The following MACROD1 variants were observed in gnomAD, a reference collection of about 807,000 sequenced individuals.
The protein encoded by MACROD1 is ADP-ribose glycohydrolase MACROD1.
MACROD1 carries 31 observed loss-of-function variants against 41.4 expected under a neutral mutation model. The observed-to-expected ratio is 0.75, with a 90% confidence interval of 0.56 to 1.01. MACROD1 has a LOEUF of 1.01. Among genes scored for constraint, MACROD1 ranks in the 50% least tolerant of loss-of-function variants. The probability of loss-of-function intolerance (pLI) is 0.00; values close to 1 mark genes in which losing one functional copy is unlikely to be tolerated. For missense variants in MACROD1, 473 were observed against 460.0 expected (o/e 1.03, Z -0.26); for synonymous variants, 252 against 203.4 (o/e 1.24, Z -2.03).
intron 7 of MACROD1, 38 bp downstream of exon 7, chr11:63,999,492 C>T (rs1942779411): frequency 6.3e-7 from 1 of 1,589,054 alleles, no homozygotes; most frequent in Non-Finnish European, 8.6e-7. Flanking sequence ...TCTGGGTCCA[C>T]CGCCCACTCC....
At chr11:64,105,840 C>T (rs1426392013) in intron 3 of MACROD1, among the ~76,000 whole-genome samples, 3 of 152,194 alleles carry the variant, frequency 2.0e-5, no homozygotes, top group African/African-American at 7.2e-5. Flanking sequence ...GGCTCTGTCT[C>T]CACCCTGAGC....
At chr11:64,100,572 G>T (rs182974986) in intron 3 of MACROD1, among the ~76,000 whole-genome samples, 2 of 152,280 alleles carry the variant, frequency 1.3e-5, no homozygotes, top group African/African-American at 4.8e-5. Context: ...TGGCTCTGGC[G>T]GGAGGTGTCT....
intron 3 of MACROD1, among the ~76,000 whole-genome samples, chr11:64,062,432 T>C (rs1197839250): frequency 1.3e-5 from 2 of 152,120 alleles, no homozygotes; most frequent in Non-Finnish European, 2.9e-5. Flanking sequence ...TGGAACCAAC[T>C]GGGCATAGGC....
At chr11:64,052,769 TC>T (rs1367016727) in intron 3 of MACROD1, among the ~76,000 whole-genome samples, 1 of 152,210 alleles carries the variant, frequency 6.6e-6, no homozygotes, top group African/African-American at 2.4e-5. Flanking sequence ...AACCTGATTC[TC>T]CTGACTCCAG....
intron 3 of MACROD1, among the ~76,000 whole-genome samples, chr11:64,108,893 C>T (rs536453234): frequency 6.6e-6 from 1 of 152,304 alleles, no homozygotes; most frequent in East Asian, 1.9e-4. Flanking sequence ...CCAGGCCACA[C>T]ACCAGTGCCA....
intron 5 of MACROD1, chr11:64,000,017 C>T (rs780406481): frequency 7.9e-6 from 5 of 630,410 alleles, no homozygotes; most frequent in Non-Finnish European, 1.4e-5. Context: ...GAAGGCGTTG[C>T]CCCCCAGCTC....
At chr11:64,155,393 T>C (rs888869720) in intron 1 of MACROD1, among the ~76,000 whole-genome samples, 1 of 152,244 alleles carries the variant, frequency 6.6e-6, no homozygotes, top group Non-Finnish European at 1.5e-5. Context: ...GCTGCGCCTT[T>C]TCTTCTGTTA....
chr11:64,067,623 G>A lies in MACROD1; in HGVS notation c.518-52342C>T, dbSNP rs192346344. Among the ~76,000 whole-genome samples, 915 of 152,258 alleles carry A rather than the reference G, an allele frequency of 6.0e-3. 7 individuals carry two copies. The highest frequency in any genetic ancestry group is 0.021 in the African/African-American group (878 of 41,564). On this transcript the variant is annotated intron_variant, in intron 3 of 10. Transcript: ENST00000255681. This position sits in a 1 kb window ranked among gnomAD's most constrained non-coding sequence, Gnocchi z 4.6. ...AGGTGGGTGACGCACCAACATGCCC[G>A]TGGCCTCCGGTGCACACACAGGGTC... is the stretch of plus-strand genomic sequence containing the variant.
chr11:64,118,533 C>T (rs2134627302), intron 3 of MACROD1: 1 of 460,128 alleles, frequency 2.2e-6, no homozygotes. Flanking sequence ...TAATTTATAC[C>T]AAGTTATGCC....
intron 3 of MACROD1, among the ~76,000 whole-genome samples, chr11:64,034,088 G>T (rs1943329380): frequency 6.6e-6 from 1 of 152,230 alleles, no homozygotes; most frequent in Admixed American, 6.5e-5. Flanking sequence ...TGGTGTGGGG[G>T]TGGCAGGGAT....
intron 3 of MACROD1, among the ~76,000 whole-genome samples, chr11:64,045,723 C>T (rs1943572617): frequency 6.6e-6 from 1 of 152,192 alleles, no homozygotes; most frequent in Non-Finnish European, 1.5e-5. Context: ...GCCACTGTAC[C>T]CCTGGATGCC....
At chr11:64,158,928 G>A (rs562123283) in intron 1 of MACROD1, among the ~76,000 whole-genome samples, 2 of 152,276 alleles carry the variant, frequency 1.3e-5, no homozygotes, top group South Asian at 2.1e-4. Context: ...ACTCACGCCT[G>A]TAATCCCAGC....
chr11:64,063,923 C>T (rs991262451), intron 3 of MACROD1, among the ~76,000 whole-genome samples: 2 of 152,184 alleles, frequency 1.3e-5, no homozygotes, highest in African/African-American at 4.8e-5. Context: ...CAGTGAGCTG[C>T]GGAGAGGTTT....
At chr11:64,139,578 G>A (rs1945380670) in intron 3 of MACROD1, among the ~76,000 whole-genome samples, 1 of 152,138 alleles carries the variant, frequency 6.6e-6, no homozygotes, top group Non-Finnish European at 1.5e-5. Context: ...AGTCACTACC[G>A]TTTATGAGCC....
chr11:64,105,050 C>T (rs1042164729), intron 3 of MACROD1, among the ~76,000 whole-genome samples: 2 of 152,252 alleles, frequency 1.3e-5, no homozygotes, highest in Non-Finnish European at 2.9e-5. Flanking sequence ...GGGCCTGGGA[C>T]ATTCGTCAGC....
chr11:64,028,456 G>A (rs565692273), intron 3 of MACROD1, among the ~76,000 whole-genome samples: 2 of 152,360 alleles, frequency 1.3e-5, no homozygotes, highest in South Asian at 4.1e-4. Context: ...AGGGAAAACG[G>A]TGGAGGGAGG....
At chr11:64,015,312 TG>T in intron 3 of MACROD1, 31 bp from the exon 4 acceptor site, 1 of 1,593,956 alleles carries the variant, frequency 6.3e-7, no homozygotes, top group Non-Finnish European at 8.5e-7. Context: ...GGCAGATCAG[TG>T]GGGAAGGGGC....
chr11:64,029,511 G>C (rs1263892234), intron 3 of MACROD1, among the ~76,000 whole-genome samples: 1 of 151,970 alleles, frequency 6.6e-6, no homozygotes, highest in Non-Finnish European at 1.5e-5. Context: ...CCTACCTCTC[G>C]CTCCCAATGG....
Position 64,018,213 on chromosome 11 carries a change from GCA to G in MACROD1, c.518-2934_518-2933del, listed in dbSNP as rs776865196. The stretch of plus-strand genomic sequence containing the variant: ...GAGGACCTGGTCCCAGGCCACCCAC[GCA>G]CAGTGGGTGCCCCGGGAGGCCAGTC... On this transcript the variant is annotated intron_variant, in intron 3 of 10. Transcript: ENST00000255681. Among the ~76,000 whole-genome samples, 17 of 152,216 alleles carry G rather than the reference GCA, an allele frequency of 1.1e-4. No homozygotes were observed. In the South Asian group the frequency reaches 3.5e-3, roughly 32 times the overall value.
Sources: allele counts gnomAD v4.1 joint callset (sites outside exome capture counted in the v4.1 genomes callset), GRCh38; gene constraint gnomAD v4.1.1; non-coding constraint Gnocchi (gnomAD v3.1); transcripts MANE v1.5; gene names NCBI Gene and HGNC (gene_info 2026-07-23, HGNC 2026-07-21).